FN3K: variants seen among roughly 807,000 people sequenced by gnomAD.
The protein encoded by FN3K is fructosamine 3 kinase.
In FN3K, 24 loss-of-function variants were observed where a neutral mutation model predicts 24.8. The observed-to-expected ratio is 0.97, with a 90% CI of 0.70 to 1.36. The LOEUF (loss-of-function observed/expected upper bound fraction) is 1.36, where lower values mean the gene tolerates loss of function less well. Among genes scored for constraint, FN3K ranks in the 40% most tolerant of loss-of-function variants. The pLI is 0.00. For missense variants in FN3K, 449 were observed against 416.7 expected, an observed-to-expected ratio of 1.08 and a Z score of -0.67; for synonymous variants, 192 against 175.2, an observed-to-expected ratio of 1.10 and a Z score of -0.76.
intron 2 of FN3K, among the ~76,000 whole-genome samples, chr17:82,738,940 A>ACACGTG (rs1568067663): frequency 9.8e-6 from 1 of 102,346 alleles, no homozygotes; most frequent in Non-Finnish European, 2.0e-5. Context: ...ATATATATAT[A>ACACGTG]TATATATTTT....
intron 2 of FN3K, 39 bp from the exon 3 acceptor site, chr17:82,740,724 A>G: frequency 7.1e-7 from 1 of 1,406,526 alleles, no homozygotes. Flanking sequence ...GTTATTTATT[A>G]TTTGTTATTT....
At chr17:82,746,536 C>T (rs954684430) in intron 4 of FN3K, among the ~76,000 whole-genome samples, 6 of 151,956 alleles carry the variant, frequency 3.9e-5, no homozygotes, top group East Asian at 1.9e-4. Context: ...CATGGTGGCT[C>T]GCGCCTGTAA....
intron 4 of FN3K, among the ~76,000 whole-genome samples, chr17:82,746,806 A>G (rs1207417349): frequency 2.0e-5 from 3 of 151,642 alleles, no homozygotes; most frequent in Non-Finnish European, 4.4e-5. Flanking sequence ...CTTGGTCTCA[A>G]AAAAAAAATT....
intron 2 of FN3K, among the ~76,000 whole-genome samples, chr17:82,739,449 G>A (rs930375750): frequency 4.2e-5 from 6 of 141,370 alleles, no homozygotes; most frequent in Middle Eastern, 3.7e-3. Flanking sequence ...ACCACCTCAC[G>A]CAGCTATTTT....
intron 4 of FN3K, chr17:82,741,597 G>A (rs1276524748): frequency 1.8e-6 from 1 of 541,524 alleles, no homozygotes; most frequent in East Asian, 3.4e-5. Flanking sequence ...GGACATGCTG[G>A]GGCAGGCAGA....
chr17:82,738,925 C>CAT (rs201805110), intron 2 of FN3K, among the ~76,000 whole-genome samples: 22 of 104,096 alleles, frequency 2.1e-4, no homozygotes, highest in South Asian at 7.2e-4. Flanking sequence ...TATATATACA[C>CAT]ATATATATAT....
rs769285012 is a variant in FN3K, at chr17:82,750,449, G to T, written c.624G>T (p.Glu208Asp). Residue 208 changes from glutamate (E) to aspartate (D), a missense_variant, in exon 6 of 6, where the codon GAG (glutamate) becomes GAT (aspartate). By Grantham distance (45) the Glu-to-Asp change is conservative (BLOSUM62 2). Coordinates refer to ENST00000300784, the MANE Select transcript of FN3K (RefSeq NM_022158.4). ...VKIPDLFCGL[E>D]IVPALLHGDL... ...TCCCGGATCTGTTTTGTGGCCTAGA[G>T]ATTGTCCCCGCGTTGCTCCACGGGG... 6.2e-7 allele frequency: 1 copy of T among 1,614,204 alleles called. No individual in the cohort carries two copies. The highest frequency in any genetic ancestry group is 2.2e-5 in the East Asian group (1 of 44,880).
intron 4 of FN3K, chr17:82,745,087 G>A (rs12452572): frequency 0.47 from 71,775 of 153,088 alleles, 17,157 homozygotes; most frequent in East Asian, 0.58. Context: ...TATGGGTGTC[G>A]GGCTGGGGGA....
chr17:82,745,598 C>A (rs893569717), intron 4 of FN3K: 5 of 152,188 alleles, frequency 3.3e-5, no homozygotes, highest in African/African-American at 1.2e-4. Context: ...AAGCCCATTC[C>A]CCTGTACGGA....
intron 2 of FN3K, among the ~76,000 whole-genome samples, 185 bp downstream of exon 2, chr17:82,738,825 A>AT (rs1362710910): frequency 6.6e-6 from 1 of 151,422 alleles, no homozygotes; most frequent in Non-Finnish European, 1.5e-5. Context: ...CCACCCTGCC[A>AT]TTCTTAATGG....
intron 5 of FN3K, chr17:82,749,281 T>A: frequency 2.2e-6 from 1 of 455,848 alleles, no homozygotes; most frequent in Non-Finnish European, 4.1e-6. Flanking sequence ...TGATTACTGT[T>A]CTTACTATCA....
At chr17:82,749,260 G>T (rs577385086) in intron 5 of FN3K, 38 of 508,340 alleles carry the variant, frequency 7.5e-5, no homozygotes, top group African/African-American at 6.9e-4. Context: ...TGTAAATGGT[G>T]GTGTTTACCA....
chr17:82,749,630 C>G, intron 5 of FN3K: 1 of 163,954 alleles, frequency 6.1e-6, no homozygotes. Context: ...CACCATTGCA[C>G]TCCAGCCTGG....
At chr17:82,738,936 A>ATGTATATATATACGTG (rs1555666959) in intron 2 of FN3K, among the ~76,000 whole-genome samples, 26 of 99,852 alleles carry the variant, frequency 2.6e-4, no homozygotes, top group African/African-American at 1.0e-3. Flanking sequence ...ATATATATAT[A>ATGTATATATATACGTG]TATATATATA....
intron 4 of FN3K, among the ~76,000 whole-genome samples, chr17:82,747,021 C>T (rs1272025187): frequency 6.6e-6 from 1 of 151,888 alleles, no homozygotes. Flanking sequence ...GATAGAGTTT[C>T]ACCATCTTGG....
intron 4 of FN3K, among the ~76,000 whole-genome samples, chr17:82,745,938 C>T (rs993441175): frequency 6.6e-6 from 1 of 151,774 alleles, no homozygotes. Context: ...CTAAAAAATA[C>T]AAAAAATTAA....
intron 2 of FN3K, among the ~76,000 whole-genome samples, chr17:82,740,093 G>A (rs998535398): frequency 2.0e-5 from 3 of 151,328 alleles, no homozygotes; most frequent in African/African-American, 7.3e-5. Context: ...AGTAGAGATG[G>A]GGTTTCACCA....
At chr17:82,748,473 G>C (rs1240813470) in intron 4 of FN3K, among the ~76,000 whole-genome samples, 1 of 150,020 alleles carries the variant, frequency 6.7e-6, no homozygotes, top group African/African-American at 2.5e-5. Flanking sequence ...ACTAGTGTTA[G>C]CATGGTATAT....
chr17:82,739,266 C>A (rs148657581), intron 2 of FN3K, among the ~76,000 whole-genome samples: 2 of 151,394 alleles, frequency 1.3e-5, no homozygotes, highest in African/African-American at 4.9e-5. Flanking sequence ...TATATTTGAA[C>A]CCATCATTTG....
Sources: allele counts gnomAD v4.1 joint callset (sites outside exome capture counted in the v4.1 genomes callset), GRCh38; gene constraint gnomAD v4.1.1; transcripts MANE v1.5; gene names NCBI Gene and HGNC (gene_info 2026-07-23, HGNC 2026-07-21).